PIK3CG: variants seen among roughly 807,000 people sequenced by gnomAD.
PIK3CG encodes phosphatidylinositol-4,5-bisphosphate 3-kinase catalytic subunit gamma, also known as phosphatidylinositol 4,5-bisphosphate 3-kinase catalytic subunit gamma isoform.
PIK3CG carries 55 observed loss-of-function variants against 102.3 expected under a neutral mutation model. That is an observed-to-expected ratio of 0.54 (90% CI 0.43 to 0.67). PIK3CG has a LOEUF of 0.67. Among genes scored for constraint, PIK3CG ranks in the 30% least tolerant of loss-of-function variants. PIK3CG has a pLI of 0.00. For synonymous variants in PIK3CG, 552 were observed against 540.0 expected (o/e 1.02, Z -0.31); for missense variants, 1,258 against 1,391.8 (o/e 0.90, Z 1.53).
chr7:106,893,602 A>G lies in PIK3CG; in HGVS notation c.3030+7310A>G, dbSNP rs1791322828. 6.6e-6 allele frequency among the ~76,000 whole-genome samples: 1 copy of G among 152,212 alleles called. No individual in the cohort carries two copies. The highest frequency in any genetic ancestry group is 1.5e-5 in the Non-Finnish European group (1 of 68,032). On this transcript the variant is annotated intron_variant, in intron 10 of 10. Transcript: ENST00000496166. This position sits in a 1 kb window ranked among gnomAD's most constrained non-coding sequence, Gnocchi z 4.4. ...ATTAAGATCTTCTTGTGAAAATTCT[A>G]CTGGTCTCAGTTTCTAGAAAAGCTG...
chr7:106,907,442 A>G lies in PIK3CG; in HGVS notation c.*2055A>G, dbSNP rs79439413. On this transcript the variant is annotated 3_prime_UTR_variant, in exon 11 of 11. Coordinates refer to ENST00000496166, the MANE Select transcript of PIK3CG (RefSeq NM_001282426.2). ...ATGAAATGTTTATTCCTATCTATAA[A>G]TGGAGGATAAACATTTTGTGGCACT... Among the ~76,000 whole-genome samples the G allele has an allele frequency of 5.3e-3, 801 of 152,260 alleles. 3 individuals are homozygous for G. Among genetic ancestry groups the G allele is most frequent in the African/African-American group, 0.019 (777 of 41,546 alleles).
rs542375528 is a variant in PIK3CG at position 106,902,260 on chromosome 7, A to G, written c.3031-2849A>G. Among the ~76,000 whole-genome samples, 2 of 152,162 alleles carry G rather than the reference A, an allele frequency of 1.3e-5. No individual in the cohort carries two copies. The highest frequency in any genetic ancestry group is 1.9e-4 in the East Asian group (1 of 5,164). On this transcript the variant is annotated intron_variant, in intron 10 of 10. Coordinates refer to ENST00000496166, the MANE Select transcript of PIK3CG (RefSeq NM_001282426.2). The surrounding 1 kb of genome is among the most constrained non-coding windows in gnomAD (Gnocchi z 4.3). Reference sequence around the variant, plus strand: ...GGGGTTTCCTGTCTTGTGTCAAGCAATGCGGGGGGTGTGTGGGATGCACGG... The same window carrying G: ...GGGGTTTCCTGTCTTGTGTCAAGCAGTGCGGGGGGTGTGTGGGATGCACGG...
At position 106,880,584 on chromosome 7, in the gene PIK3CG, G is replaced by A. The variant is rs543249820; in HGVS notation, c.2538+919G>A. Among the ~76,000 whole-genome samples, 3 of 152,306 alleles carry A rather than the reference G, an allele frequency of 2.0e-5. No individual in the cohort carries two copies. The highest frequency in any genetic ancestry group is 4.1e-4 in the South Asian group (2 of 4,822). On this transcript the variant is annotated intron_variant, in intron 6 of 10. Transcript: ENST00000496166. This position sits in a 1 kb window ranked among gnomAD's most constrained non-coding sequence, Gnocchi z 4.2. ...ATCTGTAGAATATTTTGAATTGTTTGAAGATGGACACTTTAAAAACACAAA... is the reference window on the plus strand; with the variant it reads ...ATCTGTAGAATATTTTGAATTGTTTAAAGATGGACACTTTAAAAACACAAA...
Position 106,867,512 on chromosome 7 carries a change from C to T in PIK3CG, c.-12-38C>T, listed in dbSNP as rs2116414562. 6.6e-7 allele frequency: 1 copy of T among 1,507,636 alleles called. No individual in the cohort carries two copies. The highest frequency in any genetic ancestry group is 8.9e-7 in the Non-Finnish European group (1 of 1,125,862). The allele number at this position is 1,507,636 out of a possible 1,614,324, so 93.4% of individuals were successfully genotyped here. On this transcript the variant is annotated intron_variant, in intron 1 of 10. Coordinates refer to ENST00000496166, the MANE Select transcript of PIK3CG (RefSeq NM_001282426.2). This position sits in a 1 kb window ranked among gnomAD's most constrained non-coding sequence, Gnocchi z 5.1. The stretch of plus-strand genomic sequence containing the variant: ...ACCAGAAAATATAAGGGGAAAGTGC[C>T]TTTCTTGTGACAAATCCCTGTGTCC...
intron 7 of PIK3CG, 61 bp downstream of exon 7, chr7:106,882,268 C>A (rs2116539308): frequency 1.3e-6 from 1 of 757,240 alleles, no homozygotes; most frequent in Non-Finnish European, 2.2e-6. Flanking sequence ...ATTATAATTC[C>A]TTCAGTGTAG....
Position 106,883,250 on chromosome 7 carries a change from G to T in PIK3CG, c.2760+87G>T. Reference sequence around the variant, plus strand: ...GTGGCTTCAAGTTTTCAGAGAATCTGCCAGTGTCTTGCCTCCTGACATATT... The same window carrying T: ...GTGGCTTCAAGTTTTCAGAGAATCTTCCAGTGTCTTGCCTCCTGACATATT... On this transcript the variant is annotated intron_variant, in intron 8 of 10. Coordinates refer to ENST00000496166, the MANE Select transcript of PIK3CG (RefSeq NM_001282426.2). The surrounding 1 kb of genome is among the most constrained non-coding windows in gnomAD (Gnocchi z 5.8). 7 of 1,398,348 alleles carry T rather than the reference G, an allele frequency of 5.0e-6. No homozygotes were observed. The highest frequency in any genetic ancestry group is 6.0e-6 in the Non-Finnish European group (6 of 997,822). 86.6% of individuals were successfully genotyped at this position (1,398,348 alleles called of 1,614,324 possible). A position where few individuals can be genotyped will look rare whatever the true frequency, so the allele number is the denominator to read the frequency against.
At chr7:106,904,749 T>C (rs548447803) in intron 10 of PIK3CG, among the ~76,000 whole-genome samples, 7 of 152,226 alleles carry the variant, frequency 4.6e-5, no homozygotes, top group African/African-American at 7.2e-5. Flanking sequence ...ACATAAAGTT[T>C]ATTGATTCCA....
chr7:106,894,969 T>G lies in PIK3CG; in HGVS notation c.3030+8677T>G, dbSNP rs1052141037. 5.3e-5 allele frequency among the ~76,000 whole-genome samples: 8 copies of G among 152,244 alleles called. No individual in the cohort carries two copies. Among genetic ancestry groups the G allele is most frequent in the African/African-American group, 1.9e-4 (8 of 41,466 alleles). ...AAGACTTCTAAGGGCAGTAGCTTTG[T>G]AAAAACAATTCTTTCTGTTAGTACT... is the stretch of plus-strand genomic sequence containing the variant. On this transcript the variant is annotated intron_variant, in intron 10 of 10. Coordinates refer to ENST00000496166, the MANE Select transcript of PIK3CG (RefSeq NM_001282426.2). This position sits in a 1 kb window ranked among gnomAD's most constrained non-coding sequence, Gnocchi z 4.4.
At chr7:106,873,102 G>A (rs1790597022) in intron 4 of PIK3CG, among the ~76,000 whole-genome samples, 164 bp downstream of exon 4, 1 of 152,068 alleles carries the variant, frequency 6.6e-6, no homozygotes, top group Admixed American at 6.6e-5. Context: ...CAAATTTAAA[G>A]TTCTCCTTTT....
At position 106,907,553 on chromosome 7, in the gene PIK3CG, G is replaced by A. The variant is rs1051708920; in HGVS notation, c.*2166G>A. On this transcript the variant is annotated 3_prime_UTR_variant, in exon 11 of 11. Transcript: ENST00000496166. ...CAGAAGAGGATGTTTTCACTATTCT[G>A]ATAAACAATAGCCAAGTTCAGACCT... 2.6e-5 allele frequency among the ~76,000 whole-genome samples: 4 copies of A among 152,030 alleles called. No homozygotes were observed. Among genetic ancestry groups the A allele is most frequent in the Admixed American group, 1.3e-4 (2 of 15,240 alleles).
At chr7:106,865,560 T>C (rs1404151726) in intron 1 of PIK3CG, 134 bp downstream of exon 1, 2 of 152,216 alleles carry the variant, frequency 1.3e-5, no homozygotes, top group African/African-American at 4.8e-5. Context: ...TGTTTCATTG[T>C]CTAGTCCAAC....
chr7:106,886,330 C>T (rs751121437), intron 10 of PIK3CG, 38 bp downstream of exon 10: 29 of 1,608,076 alleles, frequency 1.8e-5, no homozygotes, highest in East Asian at 6.7e-5. Context: ...AGAATAGCAC[C>T]GAAGCAGATG....
At position 106,868,049 on chromosome 7, in the gene PIK3CG, C is replaced by G. The variant is rs1224069164; in HGVS notation, c.488C>G (p.Thr163Ser). 6.2e-7 allele frequency: 1 copy of G among 1,612,634 alleles called. No individual in the cohort carries two copies. The highest frequency in any genetic ancestry group is 8.5e-7 in the Non-Finnish European group (1 of 1,179,268). ...ACGGCGCTGATTGGCTATGACGTCA[C>G]TGACGTCAGCAACGTGCACGACGAT... Reference protein sequence around the residue: ...QLTALIGYDVTDVSNVHDDEL... With the variant: ...QLTALIGYDVSDVSNVHDDEL... Residue 163 changes from threonine to serine, a missense_variant, in exon 2 of 11, where the codon ACT becomes AGT. Coordinates refer to ENST00000496166, the MANE Select transcript of PIK3CG (RefSeq NM_001282426.2). The surrounding 1 kb of genome is among the most constrained non-coding windows in gnomAD (Gnocchi z 6.2).
chr7:106,873,963 A>G (rs563451301), intron 4 of PIK3CG, among the ~76,000 whole-genome samples: 5 of 152,122 alleles, frequency 3.3e-5, no homozygotes, highest in African/African-American at 1.2e-4. Flanking sequence ...TCTCTTTTTC[A>G]TTTTTATATA....
In PIK3CG at chr7:106,868,983, C is replaced by T. The variant is rs1343395919; in HGVS notation, c.1422C>T (p.Leu474=). The T allele has an allele frequency of 1.2e-6, 2 of 1,614,160 alleles. No homozygotes were observed. Among genetic ancestry groups the T allele is most frequent in the Non-Finnish European group, 8.5e-7 (1 of 1,180,034 alleles). ...TGCTGCTGATAGACCACCGTTTCCT[C>T]CTGCGCCGTGGAGAATACGTCCTCC... ...VNLLLIDHRF[L]LRRGEYVLHM... is the part of the protein sequence containing the mutation. The change falls in exon 2 of 11, where the codon CTC becomes CTT. Residue 474 remains leucine (L), a synonymous_variant. Coordinates refer to ENST00000496166, the MANE Select transcript of PIK3CG (RefSeq NM_001282426.2). This position sits in a 1 kb window ranked among gnomAD's most constrained non-coding sequence, Gnocchi z 6.2.
intron 2 of PIK3CG, among the ~76,000 whole-genome samples, chr7:106,870,609 T>C (rs1367116685): frequency 6.6e-6 from 1 of 152,180 alleles, no homozygotes; most frequent in Non-Finnish European, 1.5e-5. Context: ...AAGGGACACT[T>C]AATTTTGATT....
At chr7:106,866,894 C>T (rs763561220) in intron 1 of PIK3CG, among the ~76,000 whole-genome samples, 4 of 152,140 alleles carry the variant, frequency 2.6e-5, no homozygotes, top group Non-Finnish European at 5.9e-5. Flanking sequence ...GGGAGTAGAT[C>T]CTAGGTCCAG....
At chr7:106,873,746 A>G (rs1280271831) in intron 4 of PIK3CG, among the ~76,000 whole-genome samples, 2 of 151,764 alleles carry the variant, frequency 1.3e-5, no homozygotes, top group African/African-American at 4.8e-5. Flanking sequence ...CATAAAGGTA[A>G]TAAACACACA....
rs1790634612 is a variant in PIK3CG at position 106,874,068 on chromosome 7, A to G, written c.2288-632A>G. Reference sequence around the variant, plus strand: ...TATTTAAAATTTCTTTCTCCCTTTGATTCTTACAATGCTTCCTCCTAAAAA... The same window carrying G: ...TATTTAAAATTTCTTTCTCCCTTTGGTTCTTACAATGCTTCCTCCTAAAAA... On this transcript the variant is annotated intron_variant, in intron 4 of 10. Transcript: ENST00000496166. This position sits in a 1 kb window ranked among gnomAD's most constrained non-coding sequence, Gnocchi z 4.3. Among the ~76,000 whole-genome samples the G allele has an allele frequency of 6.6e-6, 1 of 152,102 alleles. No individual in the cohort carries two copies. The highest frequency in any genetic ancestry group is 2.4e-5 in the African/African-American group (1 of 41,410).
Sources: gnomAD v4.1 joint callset for allele counts (sites outside exome capture counted in the v4.1 genomes callset) on GRCh38, gnomAD v4.1.1 for gene constraint, Gnocchi (gnomAD v3.1) non-coding constraint, MANE v1.5 for transcripts, NCBI Gene and HGNC (gene_info 2026-07-23, HGNC 2026-07-21) for gene names.